The following CCBE1 variants were observed in gnomAD, a reference collection of about 807,000 sequenced individuals.
CCBE1 encodes collagen and calcium binding EGF domains 1, also known as collagen and calcium-binding EGF domain-containing protein 1.
CCBE1 carries 37 observed loss-of-function variants against 50.0 expected under a neutral mutation model. The observed-to-expected ratio is 0.74, with a 90% CI of 0.57 to 0.97. The LOEUF is 0.97. Ranked by LOEUF, CCBE1 falls within the 50% of genes least tolerant of loss-of-function variation. The pLI, the probability that CCBE1 is intolerant of heterozygous loss-of-function variation, is 0.00. For missense variants in CCBE1, 538 were observed against 523.8 expected, an observed-to-expected ratio of 1.03 and a Z score of -0.26; for synonymous variants, 234 against 203.7, an observed-to-expected ratio of 1.15 and a Z score of -1.27.
At chr18:59,497,858 C>T (rs952667885) in intron 2 of CCBE1, among the ~76,000 whole-genome samples, 2 of 152,212 alleles carry the variant, frequency 1.3e-5, no homozygotes, top group African/African-American at 2.4e-5. Context: ...GGGTATCTCC[C>T]AGCCAATCCA....
intron 2 of CCBE1, among the ~76,000 whole-genome samples, chr18:59,603,115 G>A (rs2053453681): frequency 1.3e-5 from 2 of 152,142 alleles, no homozygotes; most frequent in African/African-American, 2.4e-5. Context: ...TTCTTAAACT[G>A]TCCCTGAAAA....
intron 6 of CCBE1, among the ~76,000 whole-genome samples, chr18:59,449,863 T>C (rs942128114): frequency 6.6e-6 from 1 of 152,112 alleles, no homozygotes; most frequent in African/African-American, 2.4e-5. Context: ...TGATTTGGCC[T>C]CTTGAAAAAG....
intron 2 of CCBE1, among the ~76,000 whole-genome samples, chr18:59,619,329 C>G (rs1006457987): frequency 3.3e-5 from 5 of 152,000 alleles, no homozygotes; most frequent in Admixed American, 3.3e-4. Flanking sequence ...TTTTTAGAGA[C>G]GGAGTCTTGC....
intron 2 of CCBE1, among the ~76,000 whole-genome samples, chr18:59,582,212 T>C (rs141450606): frequency 6.6e-4 from 100 of 152,322 alleles, no homozygotes; most frequent in African/African-American, 2.3e-3. Context: ...ACTTCTCCTA[T>C]GAAGTCTTCA....
intron 2 of CCBE1, among the ~76,000 whole-genome samples, chr18:59,583,694 CGCGCGCGT>C (rs1568218544): frequency 1.1e-4 from 15 of 132,048 alleles, no homozygotes; most frequent in Admixed American, 5.5e-4. Context: ...CGCGCGCGCG[CGCGCGCGT>C]GTGTGTGTAT....
chr18:59,505,727 G>T (rs946647830), intron 2 of CCBE1, among the ~76,000 whole-genome samples: 3 of 152,306 alleles, frequency 2.0e-5, no homozygotes, highest in Admixed American at 6.5e-5. Flanking sequence ...AGCTTCTACA[G>T]TTAAACACTA....
chr18:59,689,623 G>A (rs1464992195), intron 2 of CCBE1, among the ~76,000 whole-genome samples: 2 of 152,194 alleles, frequency 1.3e-5, no homozygotes, highest in Non-Finnish European at 2.9e-5. Context: ...ATTATGTGGA[G>A]AGTCAAGCAA....
chr18:59,610,226 G>T (rs1192147310), intron 2 of CCBE1, among the ~76,000 whole-genome samples: 1 of 152,200 alleles, frequency 6.6e-6, no homozygotes, highest in East Asian at 1.9e-4. Context: ...CCAAGCAGGT[G>T]CATTAGCTTT....
At chr18:59,625,589 G>T (rs1004651858) in intron 2 of CCBE1, among the ~76,000 whole-genome samples, 2 of 152,194 alleles carry the variant, frequency 1.3e-5, no homozygotes, top group South Asian at 2.1e-4. Context: ...GACTGAATTA[G>T]TTCTGAAAAG....
chr18:59,493,537 C>T (rs1913208510), intron 2 of CCBE1, among the ~76,000 whole-genome samples: 1 of 132,916 alleles, frequency 7.5e-6, no homozygotes, highest in Non-Finnish European at 1.6e-5. Flanking sequence ...ATTTAATTCT[C>T]ATAAAAACTT....
Position 59,441,307 on chromosome 18 carries a change from C to T in CCBE1, c.776-1491G>A, listed in dbSNP as rs1030776463. On this transcript the variant is annotated intron_variant, in intron 7 of 10. Coordinates refer to ENST00000439986, the MANE Select transcript of CCBE1 (RefSeq NM_133459.4). ...GGTGGATCACCTGAGGTCAGGAGTT[C>T]GAGATCAGCCTGGGCAACATGGTGA... Among the ~76,000 whole-genome samples the T allele has an allele frequency of 4.6e-5, 7 of 151,948 alleles. No individual in the cohort carries two copies. In the East Asian group the frequency reaches 7.7e-4, roughly 17 times the overall value.
Position 59,549,454 on chromosome 18 carries a change from G to C in CCBE1, c.213-69216C>G, listed in dbSNP as rs1448079078. Among the ~76,000 whole-genome samples, 3 of 152,184 alleles carry C rather than the reference G, an allele frequency of 2.0e-5. No individual in the cohort carries two copies. In the East Asian group the frequency reaches 5.8e-4, roughly 29 times the overall value. On this transcript the variant is annotated intron_variant, in intron 2 of 10. Coordinates refer to ENST00000439986, the MANE Select transcript of CCBE1 (RefSeq NM_133459.4). ...TCCCCCAACGCCAACCGAATTAAGA[G>C]CGTCTAATATTTTATTGCAGTAATT... is the stretch of plus-strand genomic sequence containing the variant.
In CCBE1 at chr18:59,696,618, C is replaced by A; in HGVS notation, c.212+11G>T. On this transcript the variant is annotated intron_variant, in intron 2 of 10. Coordinates refer to ENST00000439986, the MANE Select transcript of CCBE1 (RefSeq NM_133459.4). ...GCAGTGGCGAACAGCCCGCAGAGCCCCCAGGCTTACCTGTAGCATGTGGTG... is the reference window on the plus strand; with the variant it reads ...GCAGTGGCGAACAGCCCGCAGAGCCACCAGGCTTACCTGTAGCATGTGGTG... 6.2e-7 allele frequency: 1 copy of A among 1,613,690 alleles called. No individual in the cohort carries two copies. The highest frequency in any genetic ancestry group is 8.5e-7 in the Non-Finnish European group (1 of 1,179,922).
chr18:59,592,327 A>C (rs1394882981), intron 2 of CCBE1, among the ~76,000 whole-genome samples: 1 of 152,240 alleles, frequency 6.6e-6, no homozygotes, highest in South Asian at 2.1e-4. Flanking sequence ...TCCTAGCCCC[A>C]AAAAATCTCA....
At chr18:59,450,348 A>G (rs1910873029) in intron 6 of CCBE1, among the ~76,000 whole-genome samples, 1 of 152,196 alleles carries the variant, frequency 6.6e-6, no homozygotes, top group African/African-American at 2.4e-5. Flanking sequence ...TTTGATTATC[A>G]TAAAATCCTT....
intron 2 of CCBE1, among the ~76,000 whole-genome samples, chr18:59,601,348 G>C (rs1346953230): frequency 6.6e-6 from 1 of 151,954 alleles, no homozygotes; most frequent in Non-Finnish European, 1.5e-5. Flanking sequence ...TCTTTCCCAT[G>C]CTGTTCTCAT....
chr18:59,435,795 G>A lies in CCBE1; in HGVS notation c.*113C>T. Reference sequence around the variant, plus strand: ...GGAGTGGAGAGACGTCAGGAGAAGAGAAGAGAAAAATGTATGTTTTCTAGG... The same window carrying A: ...GGAGTGGAGAGACGTCAGGAGAAGAAAAGAGAAAAATGTATGTTTTCTAGG... On this transcript the variant is annotated 3_prime_UTR_variant, in exon 11 of 11. Coordinates refer to ENST00000439986, the MANE Select transcript of CCBE1 (RefSeq NM_133459.4). 1.0e-6 allele frequency: 1 copy of A among 956,374 alleles called. No individual in the cohort carries two copies. Among genetic ancestry groups the A allele is most frequent in the Non-Finnish European group, 1.7e-6 (1 of 583,282 alleles). The allele number at this position is 956,374 out of a possible 1,614,324, so 59.2% of individuals were successfully genotyped here. A position where few individuals can be genotyped will look rare whatever the true frequency, so the allele number is the denominator to read the frequency against.
intron 2 of CCBE1, among the ~76,000 whole-genome samples, chr18:59,673,767 C>T (rs911722217): frequency 4.6e-5 from 7 of 152,160 alleles, no homozygotes; most frequent in Admixed American, 3.9e-4. Flanking sequence ...TATGTTGAAC[C>T]GGCCTTGCAT....
At chr18:59,584,786 C>T (rs2053153347) in intron 2 of CCBE1, among the ~76,000 whole-genome samples, 1 of 152,200 alleles carries the variant, frequency 6.6e-6, no homozygotes, top group Non-Finnish European at 1.5e-5. Context: ...TCTGAATAGC[C>T]TGCAGAACTG....
Sources: gnomAD v4.1 joint callset for allele counts (sites outside exome capture counted in the v4.1 genomes callset) on GRCh38, gnomAD v4.1.1 for gene constraint, MANE v1.5 for transcripts, NCBI Gene and HGNC (gene_info 2026-07-23, HGNC 2026-07-21) for gene names.